The following CDH26 variants were observed in gnomAD, a reference collection of about 807,000 sequenced individuals.
CDH26 encodes the protein cadherin-like protein 26.
In CDH26, 83 loss-of-function variants were observed where a neutral mutation model predicts 90.3. That is an observed-to-expected ratio of 0.92 (90% CI 0.77 to 1.10). CDH26 has a LOEUF of 1.10. CDH26 is among the 50% of genes least tolerant of loss of function. CDH26 has a pLI of 0.00. For missense variants in CDH26, 1,013 were observed against 1,037.6 expected (o/e 0.98, Z 0.33); for synonymous variants, 397 against 396.3 (o/e 1.00, Z -0.02).
intron 1 of CDH26, among the ~76,000 whole-genome samples, chr20:59,967,865 C>CTT (rs1207823289): frequency 9.2e-6 from 1 of 108,206 alleles, no homozygotes; most frequent in Non-Finnish European, 1.7e-5. Context: ...TTCTTTCTTT[C>CTT]TTTCTTTCTT....
intron 1 of CDH26, among the ~76,000 whole-genome samples, chr20:59,967,710 C>G (rs1000417574): frequency 6.6e-6 from 1 of 150,856 alleles, no homozygotes; most frequent in Admixed American, 6.6e-5. Flanking sequence ...CATTGCAGGA[C>G]CATTCTCTCT....
chr20:60,022,929 G>A (rs1041934755), intron 7 of CDH26, among the ~76,000 whole-genome samples: 11 of 152,214 alleles, frequency 7.2e-5, no homozygotes, highest in African/African-American at 2.7e-4. Context: ...AAAGAACCCT[G>A]ATTCTTGCTG....
chr20:60,035,536 T>C (rs1156350887), downstream of CDH26, among the ~76,000 whole-genome samples: 2 of 152,252 alleles, frequency 1.3e-5, no homozygotes, highest in Admixed American at 6.5e-5. Flanking sequence ...CTTATTTTCC[T>C]GTGAACTGCC....
chr20:60,021,008 C>T (rs568981830), intron 7 of CDH26, among the ~76,000 whole-genome samples: 6 of 152,340 alleles, frequency 3.9e-5, no homozygotes, highest in South Asian at 2.1e-4. Context: ...CTCTACACTG[C>T]CCTCCTGGGC....
chr20:60,022,995 A>G (rs1372481086), intron 7 of CDH26, among the ~76,000 whole-genome samples: 2 of 152,232 alleles, frequency 1.3e-5, no homozygotes, highest in East Asian at 1.9e-4. Context: ...TCAGCTAGGC[A>G]TGGCTATGTG....
chr20:60,020,549 G>A (rs1297030755), intron 7 of CDH26, among the ~76,000 whole-genome samples: 1 of 152,208 alleles, frequency 6.6e-6, no homozygotes, highest in Non-Finnish European at 1.5e-5. Flanking sequence ...AATCTACACA[G>A]CTGGGGTTGT....
At chr20:60,025,437 A>G (rs1473948218) in intron 7 of CDH26, among the ~76,000 whole-genome samples, 2 of 152,232 alleles carry the variant, frequency 1.3e-5, no homozygotes, top group Non-Finnish European at 2.9e-5. Context: ...GCCCCATGGC[A>G]TATCCTTTTA....
At position 60,009,283 on chromosome 20, in the gene CDH26, C is replaced by A. The variant is rs371635387; in HGVS notation, c.2295+2496C>A. Among the ~76,000 whole-genome samples the A allele has an allele frequency of 4.6e-5, 7 of 152,138 alleles. 1 individual carries two copies. The South Asian group carries it at 1.4e-3, about 31-fold the overall frequency. On this transcript the variant is annotated intron_variant, in intron 17 of 17. Coordinates refer to ENST00000348616, the MANE Select transcript of CDH26 (RefSeq NM_177980.4). Reference sequence around the variant, plus strand: ...GGGTCAGGGAAGTCTCCTCTCTGAGCCTTAATTTCTCATCTACAAAGGAGA... The same window carrying A: ...GGGTCAGGGAAGTCTCCTCTCTGAGACTTAATTTCTCATCTACAAAGGAGA...
intron 13 of CDH26, among the ~76,000 whole-genome samples, chr20:59,998,158 A>AT (rs1338294696): frequency 6.6e-6 from 1 of 152,252 alleles, no homozygotes; most frequent in African/African-American, 2.4e-5. Flanking sequence ...TAACAGTAGA[A>AT]TTTCTTGCCT....
intron 11 of CDH26, among the ~76,000 whole-genome samples, chr20:59,995,479 G>A (rs753895989): frequency 3.9e-5 from 6 of 152,210 alleles, no homozygotes; most frequent in African/African-American, 9.6e-5. Context: ...GGGAGTGGAT[G>A]ATGAGAAGCT....
chr20:60,010,019 A>G (rs1437479405), intron 17 of CDH26, among the ~76,000 whole-genome samples: 2 of 152,104 alleles, frequency 1.3e-5, no homozygotes, highest in Non-Finnish European at 2.9e-5. Context: ...AGACCCAGTC[A>G]ATGGGCCAGA....
At chr20:59,968,493 C>G (rs2061207705) in intron 1 of CDH26, among the ~76,000 whole-genome samples, 1 of 152,046 alleles carries the variant, frequency 6.6e-6, no homozygotes, top group African/African-American at 2.4e-5. Flanking sequence ...TATTATCACT[C>G]TAAGTCATTA....
chr20:59,962,737 C>T (rs2061092798), intron 1 of CDH26, among the ~76,000 whole-genome samples: 2 of 152,132 alleles, frequency 1.3e-5, no homozygotes, highest in Admixed American at 6.5e-5. Flanking sequence ...TGTGGGTTCC[C>T]GAGGTGGTGG....
chr20:59,977,417 C>T (rs979663635), intron 4 of CDH26, among the ~76,000 whole-genome samples: 1 of 152,094 alleles, frequency 6.6e-6, no homozygotes, highest in Non-Finnish European at 1.5e-5. Flanking sequence ...CAAACAAAAG[C>T]ACCCTTTATA....
chr20:59,962,238 A>G (rs2061084805), intron 1 of CDH26, among the ~76,000 whole-genome samples: 1 of 152,220 alleles, frequency 6.6e-6, no homozygotes. Context: ...TTAGGAACAT[A>G]TATTAGTGTC....
chr20:60,033,113 A>G (rs973472940), intron 8 of CDH26, among the ~76,000 whole-genome samples: 8 of 152,228 alleles, frequency 5.3e-5, no homozygotes, highest in African/African-American at 1.9e-4. Flanking sequence ...TTTGGGAGGA[A>G]GCCAGGGCTT....
At position 60,031,299 on chromosome 20, in the gene CDH26, G is replaced by T. The variant is rs778494089; in HGVS notation, c.1017G>T (p.Gly339=). 10 of 1,290,372 alleles carry T rather than the reference G, an allele frequency of 7.7e-6. No homozygotes were observed. In the South Asian group the frequency reaches 1.1e-4, roughly 15 times the overall value. The allele number at this position is 1,290,372 out of a possible 1,614,324, so 79.9% of individuals were successfully genotyped here. Residue 339 remains glycine, a synonymous_variant, in exon 8 of 9, where the codon GGG becomes GGT. Coordinates refer to the CDH26 transcript ENST00000370991. ...TCCCCCAGGGAAGAGCCACAGCTGG[G>T]CGAGGATTGCCACAAGACATTTACA...
In CDH26 at chr20:60,010,199, G is replaced by A. The variant is rs976095700; in HGVS notation, c.2296-2328G>A. 4.6e-5 allele frequency among the ~76,000 whole-genome samples: 7 copies of A among 152,222 alleles called. No individual in the cohort carries two copies. The South Asian group carries it at 1.2e-3, about 27-fold the overall frequency. ...GTCACTGGGTGGGGCGGGGCGGGGG[G>A]CATAGTTAAGAGCTTGGAAGCCCAG... is the stretch of plus-strand genomic sequence containing the variant. On this transcript the variant is annotated intron_variant, in intron 17 of 17. Coordinates refer to ENST00000348616, the MANE Select transcript of CDH26 (RefSeq NM_177980.4).
chr20:60,012,507 T>C lies in CDH26; in HGVS notation c.2296-20T>C. On this transcript the variant is annotated intron_variant, in intron 17 of 17. Coordinates refer to ENST00000348616, the MANE Select transcript of CDH26 (RefSeq NM_177980.4). ...GGAAGCACATGGCATTTACCTTCTC[T>C]TTCCCCCACTTTTCCCCAGAAACTC... 6.2e-7 allele frequency: 1 copy of C among 1,606,896 alleles called. No homozygotes were observed. The highest frequency in any genetic ancestry group is 8.5e-7 in the Non-Finnish European group (1 of 1,175,944).
Sources: gnomAD v4.1 joint callset for allele counts (sites outside exome capture counted in the v4.1 genomes callset) on GRCh38, gnomAD v4.1.1 for gene constraint, MANE v1.5 for transcripts, NCBI Gene and HGNC (gene_info 2026-07-23, HGNC 2026-07-21) for gene names.